Variants in PDXDC1 observed in about 807,000 individuals in gnomAD.
PDXDC1 encodes the protein pyridoxal-dependent decarboxylase domain-containing protein 1.
A neutral mutation model predicts 100.1 loss-of-function variants in PDXDC1; 42 were observed. The ratio of observed to expected loss-of-function variants is 0.42; its 90% CI spans 0.33 to 0.54. PDXDC1 has a LOEUF of 0.54. Among genes scored for constraint, PDXDC1 ranks in the 20% least tolerant of loss-of-function variants. The probability of loss-of-function intolerance (pLI) is 0.10; values close to 1 mark genes in which losing one functional copy is unlikely to be tolerated. For missense variants in PDXDC1, 636 were observed against 979.2 expected (o/e 0.65, Z 4.68); for synonymous variants, 260 against 371.7 (o/e 0.70, Z 3.46).
At chr16:14,996,082 G>C (rs1303361756) in intron 1 of PDXDC1, among the ~76,000 whole-genome samples, 1 of 152,284 alleles carries the variant, frequency 6.6e-6, no homozygotes, top group African/African-American at 2.4e-5. Context: ...CTGCTAGGGA[G>C]TTAGAAGCCC....
chr16:15,005,286 C>G (rs1350893293), intron 5 of PDXDC1, among the ~76,000 whole-genome samples: 1 of 139,610 alleles, frequency 7.2e-6, no homozygotes, highest in African/African-American at 2.7e-5. Context: ...GCCTGGGCGA[C>G]AGAGTGAGAC....
chr16:15,080,080 T>C (rs1719506048), intron 16 of PDXDC1: 1 of 1,598,968 alleles, frequency 6.3e-7, no homozygotes. Flanking sequence ...CCTTAGTAAG[T>C]TATGAACGTA....
At chr16:15,092,183 A>C (rs982278185) in intron 16 of PDXDC1, among the ~76,000 whole-genome samples, 9 of 152,096 alleles carry the variant, frequency 5.9e-5, no homozygotes, top group African/African-American at 1.7e-4. Context: ...CAGCACAAAT[A>C]AATAAATAAA....
chr16:15,093,259 C>T (rs2046213160), intron 16 of PDXDC1, among the ~76,000 whole-genome samples: 1 of 152,208 alleles, frequency 6.6e-6, no homozygotes, highest in African/African-American at 2.4e-5. Flanking sequence ...CCGCCTCGGC[C>T]TCCCAAAGTG....
intron 16 of PDXDC1, among the ~76,000 whole-genome samples, chr16:15,056,715 C>T (rs1251276491): frequency 6.6e-6 from 1 of 152,098 alleles, no homozygotes; most frequent in Admixed American, 6.5e-5. Flanking sequence ...ATCTCTTGAC[C>T]CCAGGAGTGG....
intron 16 of PDXDC1, chr16:15,094,109 T>C: frequency 1.3e-6 from 2 of 1,550,926 alleles, no homozygotes; most frequent in South Asian, 1.2e-5. Context: ...TGAGCTTTCG[T>C]CCCAGATACG....
At chr16:15,011,631 C>CTTTTTTTTTTTTTTTTTT in intron 8 of PDXDC1, among the ~76,000 whole-genome samples, 9 of 131,300 alleles carry the variant, frequency 6.9e-5, no homozygotes, top group Non-Finnish European at 8.2e-5. Flanking sequence ...ACATTTTTTT[C>CTTTTTTTTTTTTTTTTTT]TTTTTTTTTT....
chr16:15,101,998 G>A (rs2046568861), intron 16 of PDXDC1, among the ~76,000 whole-genome samples: 1 of 152,132 alleles, frequency 6.6e-6, no homozygotes, highest in East Asian at 1.9e-4. Context: ...ACAGGTGCGT[G>A]CCACCATGCC....
rs2151666804 is a variant in PDXDC1 at position 15,036,518 on chromosome 16, C to T, written c.*243C>T. On this transcript the variant is annotated 3_prime_UTR_variant, in exon 23 of 23. Coordinates refer to ENST00000396410, the MANE Select transcript of PDXDC1 (RefSeq NM_015027.4). ...CGACTTTTCCCTAAGTTACCATAAA[C>T]ACATTTTATTCACAAAAAACACTTC... is the stretch of plus-strand genomic sequence containing the variant. The T allele has an allele frequency of 1.9e-6, 1 of 534,894 alleles. No individual in the cohort carries two copies. The highest frequency in any genetic ancestry group is 3.3e-6 in the Non-Finnish European group (1 of 304,950). 33.1% of individuals were successfully genotyped at this position (534,894 alleles called of 1,614,324 possible). A position where few individuals can be genotyped will look rare whatever the true frequency, so the allele number is the denominator to read the frequency against.
chr16:14,975,960 A>G (rs71232873), intron 1 of PDXDC1, among the ~76,000 whole-genome samples: 3 of 152,294 alleles, frequency 2.0e-5, no homozygotes, highest in Admixed American at 1.3e-4. Context: ...CCCCCATTCC[A>G]GTGGCGAGGA....
At chr16:15,090,348 CA>C (rs1429870204) in intron 16 of PDXDC1, among the ~76,000 whole-genome samples, 3 of 152,198 alleles carry the variant, frequency 2.0e-5, no homozygotes, top group African/African-American at 7.2e-5. Context: ...ACAAAAACAA[CA>C]GATGACAATT....
rs1136001 is a variant in PDXDC1, at chr16:15,038,117, G to A, written c.*1842G>A. ...GCTTTATTTCCAGAAAACAGTGTGTGAGCTGGAGATGGGTGTTTTTTTAAA... is the reference window on the plus strand; with the variant it reads ...GCTTTATTTCCAGAAAACAGTGTGTAAGCTGGAGATGGGTGTTTTTTTAAA... On this transcript the variant is annotated 3_prime_UTR_variant, in exon 23 of 23. Coordinates refer to ENST00000396410, the MANE Select transcript of PDXDC1 (RefSeq NM_015027.4). The A allele has an allele frequency of 6.2e-7, 1 of 1,611,472 alleles. No individual in the cohort carries two copies. The highest frequency in any genetic ancestry group is 2.2e-5 in the East Asian group (1 of 44,852).
intron 16 of PDXDC1, chr16:15,072,993 C>T: frequency 6.2e-7 from 1 of 1,613,734 alleles, no homozygotes; most frequent in Non-Finnish European, 8.5e-7. Context: ...CTGTACATGG[C>T]AGGAGGCATG....
chr16:15,066,457 AC>A (rs1320467552), intron 16 of PDXDC1, among the ~76,000 whole-genome samples: 2 of 151,762 alleles, frequency 1.3e-5, no homozygotes, highest in Non-Finnish European at 2.9e-5. Context: ...ACATGATGAA[AC>A]CCCATCTCTA....
intron 1 of PDXDC1, chr16:14,988,176 A>G: frequency 6.3e-7 from 1 of 1,593,204 alleles, no homozygotes; most frequent in Non-Finnish European, 8.6e-7. Context: ...GTGCTTCCAA[A>G]GGATCCCTTG....
In PDXDC1 at chr16:15,026,701, G is replaced by T. The variant is rs547077920; in HGVS notation, c.1199G>T (p.Gly400Val). The T allele has an allele frequency of 1.9e-5, 31 of 1,613,700 alleles. No individual in the cohort carries two copies. In the South Asian group the frequency reaches 3.4e-4, roughly 18 times the overall value. Residue 400 changes from glycine (G) to valine (V), a missense_variant, in exon 14 of 23, where the codon GGC (glycine) becomes GTC (valine). Transcript: ENST00000396410. ...TTCAGATTTTTCCAGGAATTACCAG[G>T]CTCAGGTCGGTGAATTTTAAAAGAG... ...VVFRFFQELPGSDPVFKAVPV... is the reference protein window; with the variant it reads ...VVFRFFQELPVSDPVFKAVPV...
chr16:15,137,248 C>T (rs1286803819), intron 16 of PDXDC1: 2 of 820,336 alleles, frequency 2.4e-6, no homozygotes. Context: ...CCAGGGGGGC[C>T]CCTGGGGAGG....
intron 1 of PDXDC1, among the ~76,000 whole-genome samples, chr16:14,984,727 C>T (rs1200942959): frequency 6.6e-6 from 1 of 152,092 alleles, no homozygotes. Context: ...AAACTCCTAT[C>T]GTGATCCGCC....
chr16:15,041,325 G>A (rs1410459045), downstream of PDXDC1, among the ~76,000 whole-genome samples: 1 of 152,036 alleles, frequency 6.6e-6, no homozygotes, highest in Non-Finnish European at 1.5e-5. Context: ...CTGCAGAATC[G>A]GTCCCCACTC....
Sources: gnomAD v4.1 joint callset for allele counts (sites outside exome capture counted in the v4.1 genomes callset) on GRCh38, gnomAD v4.1.1 for gene constraint, MANE v1.5 for transcripts, NCBI Gene and HGNC (gene_info 2026-07-23, HGNC 2026-07-21) for gene names.